The following SORCS1 variants were observed in gnomAD, a reference collection of about 807,000 sequenced individuals.
The protein encoded by SORCS1 is sortilin related VPS10 domain containing receptor 1.
Under a neutral mutation model 146.1 loss-of-function variants are expected in SORCS1, and 60 were observed. The ratio of observed to expected loss-of-function variants is 0.41; its 90% CI spans 0.33 to 0.51. SORCS1 has a LOEUF of 0.51. Ranked by LOEUF, SORCS1 falls within the 20% of genes least tolerant of loss-of-function variation. SORCS1 has a pLI of 0.21. For missense variants in SORCS1, 1,352 were observed against 1,487.6 expected, an observed-to-expected ratio of 0.91 and a Z score of 1.50; for synonymous variants, 637 against 584.0, an observed-to-expected ratio of 1.09 and a Z score of -1.31.
At chr10:107,100,371 G>T (rs186793511) in intron 1 of SORCS1, among the ~76,000 whole-genome samples, 2 of 152,146 alleles carry the variant, frequency 1.3e-5, no homozygotes, top group South Asian at 2.1e-4. Context: ...AAACTTAGCT[G>T]GGCGTGGTGG....
At chr10:106,983,247 T>C (rs1357930651) in intron 1 of SORCS1, among the ~76,000 whole-genome samples, 1 of 148,080 alleles carries the variant, frequency 6.8e-6, no homozygotes, top group African/African-American at 2.4e-5. Flanking sequence ...TAAATATACA[T>C]ATACATATTT....
At chr10:106,655,552 G>A (rs1279161369) in intron 17 of SORCS1, among the ~76,000 whole-genome samples, 1 of 152,094 alleles carries the variant, frequency 6.6e-6, no homozygotes, top group Non-Finnish European at 1.5e-5. Context: ...TCACTGTTCT[G>A]ATCAATCATT....
At chr10:106,827,408 T>G (rs1589488829) in intron 3 of SORCS1, among the ~76,000 whole-genome samples, 1 of 152,310 alleles carries the variant, frequency 6.6e-6, no homozygotes, top group African/African-American at 2.4e-5. Context: ...TTTCTGAATC[T>G]TAGTTCAGGG....
chr10:106,646,025 G>C (rs1376694106), intron 18 of SORCS1, among the ~76,000 whole-genome samples: 1 of 152,110 alleles, frequency 6.6e-6, no homozygotes, highest in Admixed American at 6.5e-5. Context: ...AGCACTTTGA[G>C]AGGCTTAGGT....
Position 106,991,959 on chromosome 10 carries a change from T to TCC in SORCS1, c.559-35381_559-35380dup, listed in dbSNP as rs568315662. Among the ~76,000 whole-genome samples, 4 of 152,336 alleles carry TCC rather than the reference T, an allele frequency of 2.6e-5. No homozygotes were observed. In the East Asian group the frequency reaches 7.7e-4, roughly 29 times the overall value. ...CTTTTGGATCTTTTTTATCTCCACT[T>TCC]CCACCAGTGACAGATCTGAAAAAGA... On this transcript the variant is annotated intron_variant, in intron 1 of 25. Transcript: ENST00000263054.
At chr10:106,813,128 CTTTTTTT>C (rs71025557) in intron 3 of SORCS1, among the ~76,000 whole-genome samples, 8 of 98,722 alleles carry the variant, frequency 8.1e-5, no homozygotes, top group South Asian at 3.5e-4. Context: ...CTTCTCTTTT[CTTTTTTT>C]TTTTTTTTTT....
intron 5 of SORCS1, among the ~76,000 whole-genome samples, chr10:106,734,084 C>A (rs1856790000): frequency 6.6e-6 from 1 of 152,022 alleles, no homozygotes. Context: ...GGACTCAGAA[C>A]CTCTCTGTAA....
At chr10:106,953,453 C>T (rs1056126383) in intron 2 of SORCS1, among the ~76,000 whole-genome samples, 13 of 151,410 alleles carry the variant, frequency 8.6e-5, no homozygotes, top group Non-Finnish European at 1.8e-4. Flanking sequence ...ATTTTTTTCC[C>T]CCAACAGTTT....
chr10:106,927,355 G>A (rs1953104981), intron 2 of SORCS1, among the ~76,000 whole-genome samples: 1 of 151,976 alleles, frequency 6.6e-6, no homozygotes, highest in African/African-American at 2.4e-5. Flanking sequence ...CGGCGCGTCT[G>A]GAGTTGTTCC....
At chr10:106,674,664 G>T (rs1851893629) in intron 14 of SORCS1, among the ~76,000 whole-genome samples, 1 of 152,134 alleles carries the variant, frequency 6.6e-6, no homozygotes, top group African/African-American at 2.4e-5. Flanking sequence ...AATTGGGTTA[G>T]GTAAAGAGCC....
intron 1 of SORCS1, among the ~76,000 whole-genome samples, chr10:107,079,852 T>C (rs1963189085): frequency 6.6e-6 from 1 of 152,174 alleles, no homozygotes; most frequent in South Asian, 2.1e-4. Context: ...TTAAGGTATC[T>C]TGGATGGACC....
intron 1 of SORCS1, among the ~76,000 whole-genome samples, chr10:107,090,844 T>C (rs556005687): frequency 2.8e-4 from 43 of 152,150 alleles, no homozygotes; most frequent in Non-Finnish European, 6.0e-4. Flanking sequence ...GGAAGTGATA[T>C]AGAAAGAGAC....
At chr10:106,947,762 C>T (rs1056294296) in intron 2 of SORCS1, among the ~76,000 whole-genome samples, 1 of 151,862 alleles carries the variant, frequency 6.6e-6, no homozygotes, top group Non-Finnish European at 1.5e-5. Flanking sequence ...AGGAGAATTG[C>T]TTGAACCAGA....
chr10:106,640,264 C>T (rs12220921), intron 18 of SORCS1, among the ~76,000 whole-genome samples: 21,454 of 152,076 alleles, frequency 0.14, 2,129 homozygotes, highest in East Asian at 0.31. Flanking sequence ...TACTTTAGTG[C>T]TCCCATAAGT....
At chr10:107,011,435 T>C (rs1156670236) in intron 1 of SORCS1, among the ~76,000 whole-genome samples, 2 of 152,366 alleles carry the variant, frequency 1.3e-5, no homozygotes, top group Middle Eastern at 3.4e-3. Flanking sequence ...GACAAATTCA[T>C]GCAAACCTCA....
At chr10:107,092,532 C>G (rs118161529) in intron 1 of SORCS1, among the ~76,000 whole-genome samples, 1 of 152,180 alleles carries the variant, frequency 6.6e-6, no homozygotes, top group African/African-American at 2.4e-5. Flanking sequence ...TTGCACATGA[C>G]AAGGCTGCAG....
chr10:106,649,161 A>G (rs183640866), intron 18 of SORCS1, among the ~76,000 whole-genome samples: 1 of 152,318 alleles, frequency 6.6e-6, no homozygotes, highest in African/African-American at 2.4e-5. Context: ...AACCCGGGAT[A>G]CAGAAAGCCG....
At chr10:106,782,580 A>G (rs1365166799) in intron 3 of SORCS1, among the ~76,000 whole-genome samples, 1 of 152,238 alleles carries the variant, frequency 6.6e-6, no homozygotes, top group Non-Finnish European at 1.5e-5. Flanking sequence ...GAAGATGAGT[A>G]AGGTTTATCA....
intron 24 of SORCS1, among the ~76,000 whole-genome samples, chr10:106,584,626 A>G (rs1351553872): frequency 6.6e-6 from 1 of 152,202 alleles, no homozygotes; most frequent in Non-Finnish European, 1.5e-5. Context: ...ACCCCATAAA[A>G]GCCTCATGCC....
Sources: gnomAD v4.1 joint callset for allele counts (sites outside exome capture counted in the v4.1 genomes callset) on GRCh38, gnomAD v4.1.1 for gene constraint, MANE v1.5 for transcripts, NCBI Gene and HGNC (gene_info 2026-07-23, HGNC 2026-07-21) for gene names.